The following LAMA2 variants were observed in gnomAD, a reference collection of about 807,000 sequenced individuals.
The protein encoded by LAMA2 is laminin subunit alpha-2.
In LAMA2, 269 loss-of-function variants were observed where a neutral mutation model predicts 364.8. The observed-to-expected ratio is 0.74, with a 90% confidence interval of 0.67 to 0.82. The LOEUF (loss-of-function observed/expected upper bound fraction) is 0.82. LAMA2 is among the 40% of genes least tolerant of loss of function. LAMA2 has a pLI of 0.00. For missense variants in LAMA2, 3,807 were observed against 3,873.2 expected, an observed-to-expected ratio of 0.98 and a Z score of 0.45; for synonymous variants, 1,379 against 1,370.6, an observed-to-expected ratio of 1.01 and a Z score of -0.14.
chr6:129,170,641 T>A (rs1780077709), intron 9 of LAMA2, among the ~76,000 whole-genome samples: 3 of 151,554 alleles, frequency 2.0e-5, no homozygotes, highest in Non-Finnish European at 4.4e-5. Context: ...TATATTCTGT[T>A]GATTTGGGGT....
At position 129,385,865 on chromosome 6, in the gene LAMA2, T is replaced by G. The variant is rs145368477; in HGVS notation, c.5071+2632T>G. On this transcript the variant is annotated intron_variant, in intron 35 of 64. Transcript: ENST00000421865. ...TAATAAATTTACCCATCAGAGGATTTTGTTTTCAGTCTTAGTATGAAAACA... is the reference window on the plus strand; with the variant it reads ...TAATAAATTTACCCATCAGAGGATTGTGTTTTCAGTCTTAGTATGAAAACA... 3.0e-3 allele frequency among the ~76,000 whole-genome samples: 454 copies of G among 152,322 alleles called. 4 individuals carry two copies. Among genetic ancestry groups the G allele is most frequent in the African/African-American group, 0.011 (445 of 41,578 alleles).
intron 22 of LAMA2, among the ~76,000 whole-genome samples, chr6:129,306,926 T>C (rs545012751): frequency 2.0e-5 from 3 of 152,202 alleles, no homozygotes; most frequent in Non-Finnish European, 2.9e-5. Context: ...ATCTTTTTTA[T>C]TGCAGGACTA....
At chr6:129,019,944 G>A (rs967311739) in intron 1 of LAMA2, among the ~76,000 whole-genome samples, 2 of 152,130 alleles carry the variant, frequency 1.3e-5, no homozygotes, top group African/African-American at 4.8e-5. Flanking sequence ...AATCAGCCAG[G>A]TGTGGTGGCA....
intron 51 of LAMA2, among the ~76,000 whole-genome samples, chr6:129,469,268 A>G (rs915198046): frequency 4.6e-5 from 7 of 151,922 alleles, no homozygotes; most frequent in Non-Finnish European, 8.8e-5. Flanking sequence ...ACATATTGTC[A>G]GAAGACCAAA....
chr6:128,933,759 C>G (rs1031294923), intron 1 of LAMA2, among the ~76,000 whole-genome samples: 4 of 151,976 alleles, frequency 2.6e-5, no homozygotes, highest in Non-Finnish European at 4.4e-5. Context: ...ATGTTTAGGT[C>G]CTTTGTCCAT....
chr6:129,315,734 T>G, intron 25 of LAMA2, 28 bp from the exon 26 acceptor site: 1 of 1,612,454 alleles, frequency 6.2e-7, no homozygotes, highest in Non-Finnish European at 8.5e-7. Flanking sequence ...ATTTATCCAA[T>G]TCCTCATTCT....
chr6:128,996,399 C>A (rs919974331), intron 1 of LAMA2, among the ~76,000 whole-genome samples: 2 of 152,002 alleles, frequency 1.3e-5, no homozygotes, highest in African/African-American at 2.4e-5. Flanking sequence ...AGGGCTAATA[C>A]CCAGAATCTA....
At position 129,059,722 on chromosome 6, in the gene LAMA2, A is replaced by G; in HGVS notation, c.284-62A>G. The G allele has an allele frequency of 3.0e-6, 3 of 1,013,392 alleles. No homozygotes were observed. The South Asian group carries it at 3.9e-5, about 13-fold the overall frequency. The allele number at this position is 1,013,392 out of a possible 1,614,324, so 62.8% of individuals were successfully genotyped here. A position where few individuals can be genotyped will look rare whatever the true frequency, so the allele number is the denominator to read the frequency against. On this transcript the variant is annotated intron_variant, in intron 2 of 64. Transcript: ENST00000421865. ...CCATTTTTTTTTACTTTAAAGAAAA[A>G]GCTATAAACTAGTTATATGATCTTT...
chr6:129,134,436 A>G (rs989798591), intron 4 of LAMA2, among the ~76,000 whole-genome samples: 1 of 152,210 alleles, frequency 6.6e-6, no homozygotes, highest in Non-Finnish European at 1.5e-5. Flanking sequence ...AGATGTTAGT[A>G]AGACTTTAGG....
At chr6:129,501,598 C>T (rs1432043841) in intron 58 of LAMA2, among the ~76,000 whole-genome samples, 1 of 152,168 alleles carries the variant, frequency 6.6e-6, no homozygotes. Flanking sequence ...GCATCAAAAG[C>T]CTGCCTTGGG....
intron 2 of LAMA2, among the ~76,000 whole-genome samples, chr6:129,058,282 C>T (rs927025767): frequency 1.3e-5 from 2 of 152,138 alleles, no homozygotes; most frequent in African/African-American, 4.8e-5. Context: ...GCTTGGCAGC[C>T]CAGGAGTAGT....
intron 53 of LAMA2, among the ~76,000 whole-genome samples, 161 bp downstream of exon 53, chr6:129,475,562 C>T (rs1050266682): frequency 6.6e-6 from 1 of 151,534 alleles, no homozygotes; most frequent in African/African-American, 2.4e-5. Context: ...TCTCCTGCTG[C>T]CCCTTGCTGG....
chr6:129,202,004 A>G (rs914829092), intron 12 of LAMA2, among the ~76,000 whole-genome samples: 1 of 152,054 alleles, frequency 6.6e-6, no homozygotes, highest in African/African-American at 2.4e-5. Flanking sequence ...CCTGGCCAAT[A>G]TGGTGAAACC....
intron 46 of LAMA2, among the ~76,000 whole-genome samples, chr6:129,453,908 A>G (rs968980783): frequency 6.6e-6 from 1 of 150,464 alleles, no homozygotes; most frequent in Non-Finnish European, 1.5e-5. Context: ...CTTAATTTGA[A>G]TTGGTAAAAT....
At chr6:129,437,334 A>G (rs1017115184) in intron 41 of LAMA2, among the ~76,000 whole-genome samples, 17 of 152,126 alleles carry the variant, frequency 1.1e-4, no homozygotes, top group Admixed American at 1.0e-3. Context: ...CATCAATGTT[A>G]TTGTAAGGAT....
intron 1 of LAMA2, among the ~76,000 whole-genome samples, chr6:128,904,304 G>A (rs367983016): frequency 2.6e-5 from 4 of 152,194 alleles, no homozygotes; most frequent in East Asian, 3.9e-4. Context: ...GATTTGGAGT[G>A]TGAATGCCCT....
intron 1 of LAMA2, among the ~76,000 whole-genome samples, chr6:128,903,289 A>G (rs1226553630): frequency 6.6e-6 from 1 of 152,192 alleles, no homozygotes; most frequent in Non-Finnish European, 1.5e-5. Context: ...ATTTCATTAT[A>G]TCTGACTCCA....
intron 1 of LAMA2, among the ~76,000 whole-genome samples, chr6:128,976,106 G>A (rs4591878): frequency 0.6 from 91,496 of 151,614 alleles, 30,997 homozygotes; most frequent in East Asian, 0.81. Flanking sequence ...GAACTAAGAT[G>A]GTGGCAGTGG....
intron 33 of LAMA2, 76 bp from the exon 34 acceptor site, chr6:129,369,816 C>T (rs1777969375): frequency 7.9e-7 from 1 of 1,273,246 alleles, no homozygotes; most frequent in East Asian, 2.3e-5. Flanking sequence ...CTTTTATATA[C>T]AAAAATGTGT....
Sources: gnomAD v4.1 joint callset for allele counts (sites outside exome capture counted in the v4.1 genomes callset) on GRCh38, gnomAD v4.1.1 for gene constraint, MANE v1.5 for transcripts, NCBI Gene and HGNC (gene_info 2026-07-23, HGNC 2026-07-21) for gene names.